Variants in TXNRD1 observed in about 807,000 individuals in gnomAD.
TXNRD1 encodes thioredoxin reductase 1, cytoplasmic.
A neutral mutation model predicts 80.3 loss-of-function variants in TXNRD1; 57 were observed. The observed-to-expected ratio is 0.71, with a 90% confidence interval of 0.57 to 0.89. The LOEUF is 0.89. TXNRD1 is among the 40% of genes least tolerant of loss of function. TXNRD1 has a pLI of 0.00. For missense variants in TXNRD1, 730 were observed against 803.0 expected, an observed-to-expected ratio of 0.91 and a Z score of 1.10; for synonymous variants, 291 against 285.2, an observed-to-expected ratio of 1.02 and a Z score of -0.20.
intron 4 of TXNRD1, among the ~76,000 whole-genome samples, chr12:104,290,714 AATATACATATATATATATATAT>A (rs1307236294): frequency 6.1e-5 from 3 of 49,154 alleles, no homozygotes; most frequent in Admixed American, 2.4e-4. Context: ...AAAAAAAAGA[AATATACATATATATATATATAT>A]ATATATATAT....
chr12:104,296,707 C>T (rs2034448806), intron 4 of TXNRD1, among the ~76,000 whole-genome samples: 2 of 152,198 alleles, frequency 1.3e-5, no homozygotes, highest in South Asian at 2.1e-4. Flanking sequence ...AGAAGAGACT[C>T]ACTTAAAGGA....
chr12:104,322,310 A>G (rs2035561091), intron 10 of TXNRD1, among the ~76,000 whole-genome samples: 1 of 150,822 alleles, frequency 6.6e-6, no homozygotes, highest in Non-Finnish European at 1.5e-5. Context: ...TGTTATGAAG[A>G]TTAAGGCACA....
In TXNRD1 at chr12:104,348,407, G is replaced by A; in HGVS notation, c.1936G>A (p.Gly646Ser). The A allele has an allele frequency of 6.2e-7, 1 of 1,614,028 alleles. No individual in the cohort carries two copies. Among genetic ancestry groups the A allele is most frequent in the Non-Finnish European group, 8.5e-7 (1 of 1,179,890 alleles). ...CTCTGGGGCAAGCATCCTCCAGGCT[G>A]GCTGCTGAGGTTAAGCCCCAGTGTG... ...KRSGASILQA[G>S]CUG is the part of the protein sequence containing the mutation. The change falls in exon 17 of 17, where the codon GGC becomes AGC. Residue 646 changes from glycine to serine, a missense_variant. Transcript: ENST00000525566.
intron 3 of TXNRD1, among the ~76,000 whole-genome samples, chr12:104,280,009 G>A (rs2033842604): frequency 7.1e-6 from 1 of 140,982 alleles, no homozygotes; most frequent in African/African-American, 2.8e-5. Flanking sequence ...GTTGCAATGA[G>A]CTGAGATCGT....
At chr12:104,229,074 C>T (rs1000416080) in intron 1 of TXNRD1, among the ~76,000 whole-genome samples, 1 of 151,784 alleles carries the variant, frequency 6.6e-6, no homozygotes, top group Non-Finnish European at 1.5e-5. Context: ...AGTAAATTTT[C>T]ACTCTTTCCC....
At chr12:104,331,730 C>T in intron 14 of TXNRD1, 89 bp downstream of exon 14, 1 of 845,422 alleles carries the variant, frequency 1.2e-6, no homozygotes, top group Admixed American at 2.6e-5. Context: ...AAAAATAGTA[C>T]AAAGCATTTT....
At chr12:104,324,838 G>A (rs970885545) in intron 10 of TXNRD1, among the ~76,000 whole-genome samples, 2 of 152,130 alleles carry the variant, frequency 1.3e-5, no homozygotes, top group African/African-American at 2.4e-5. Flanking sequence ...TGCCCACTCC[G>A]ATTTTTAAGA....
At chr12:104,345,990 G>T (rs980589426) in intron 16 of TXNRD1, 2 of 1,288,388 alleles carry the variant, frequency 1.6e-6, no homozygotes, top group Non-Finnish European at 2.0e-6. Context: ...AGTTGTGTAC[G>T]AATGAAATCT....
intron 3 of TXNRD1, among the ~76,000 whole-genome samples, chr12:104,264,832 G>A (rs73180119): frequency 0.22 from 33,033 of 152,138 alleles, 4,584 homozygotes; most frequent in Non-Finnish European, 0.31. Context: ...TCTTAGGATA[G>A]ATTACTGGAA....
In TXNRD1 at chr12:104,265,587, G is replaced by A; in HGVS notation, c.304+7508G>A. The A allele has an allele frequency of 3.1e-6, 5 of 1,608,180 alleles. No homozygotes were observed. The South Asian group carries it at 5.5e-5, about 18-fold the overall frequency. ...ACTCCCGGAGCGGCACCCACAACATGTACCGGGAATACCGGGACCTGACCA... is the reference window on the plus strand; with the variant it reads ...ACTCCCGGAGCGGCACCCACAACATATACCGGGAATACCGGGACCTGACCA... On this transcript the variant is annotated intron_variant, in intron 3 of 16. Transcript: ENST00000525566.
In TXNRD1 at chr12:104,251,605, C is replaced by A; in HGVS notation, c.170C>A (p.Ala57Asp). ...FTSTATADSR[A>D]LLQAYIDGHS... ...AGCACGGCCACTGCAGACTCCAGAG[C>A]CCTGCTTCAGGCCTATATAGATGGT... The change falls in exon 2 of 17, where the codon GCC becomes GAC. Residue 57 changes from alanine to aspartate, a missense_variant. Coordinates refer to ENST00000525566, the MANE Select transcript of TXNRD1 (RefSeq NM_001093771.3). The A allele has an allele frequency of 1.2e-6, 2 of 1,613,900 alleles. No homozygotes were observed. The highest frequency in any genetic ancestry group is 2.2e-5 in the East Asian group (1 of 44,878).
chr12:104,224,321 A>G (rs536508583), intron 1 of TXNRD1, among the ~76,000 whole-genome samples: 1 of 152,028 alleles, frequency 6.6e-6, no homozygotes, highest in Non-Finnish European at 1.5e-5. Flanking sequence ...TTTTTTTTGT[A>G]GGACATATAG....
chr12:104,241,103 G>A (rs966628036), intron 1 of TXNRD1, among the ~76,000 whole-genome samples: 1 of 147,532 alleles, frequency 6.8e-6, no homozygotes, highest in Non-Finnish European at 1.5e-5. Context: ...GCAGTGGCAT[G>A]GTCTCGGCTC....
chr12:104,276,153 A>T (rs10778316), intron 3 of TXNRD1, among the ~76,000 whole-genome samples: 1 of 151,558 alleles, frequency 6.6e-6, no homozygotes, highest in African/African-American at 2.4e-5. Flanking sequence ...GGAATGGCTT[A>T]AACGGCCCTG....
At chr12:104,248,394 C>G (rs753036373) in intron 1 of TXNRD1, among the ~76,000 whole-genome samples, 1 of 152,186 alleles carries the variant, frequency 6.6e-6, no homozygotes, top group African/African-American at 2.4e-5. Flanking sequence ...AAGCAGTTCT[C>G]CTGCCTCAAC....
intron 1 of TXNRD1, among the ~76,000 whole-genome samples, chr12:104,235,899 T>A (rs1014536546): frequency 1.3e-5 from 2 of 152,214 alleles, no homozygotes; most frequent in African/African-American, 4.8e-5. Flanking sequence ...CTTCTTGTGC[T>A]AAGTCAGTTC....
At chr12:104,291,982 C>G (rs1032563493) in intron 4 of TXNRD1, among the ~76,000 whole-genome samples, 2 of 152,160 alleles carry the variant, frequency 1.3e-5, no homozygotes, top group Admixed American at 6.5e-5. Context: ...TGCTTATAGT[C>G]CTAAAGGCCA....
intron 3 of TXNRD1, chr12:104,287,404 A>G (rs768254709): frequency 7.5e-5 from 121 of 1,613,808 alleles, no homozygotes; most frequent in Non-Finnish European, 9.7e-5. Flanking sequence ...CTTTGTAGAG[A>G]CAGTTTGCAG....
chr12:104,288,741 G>C, intron 3 of TXNRD1, 190 bp from the exon 4 acceptor site: 3 of 1,457,088 alleles, frequency 2.1e-6, no homozygotes, highest in Non-Finnish European at 2.7e-6. Context: ...GCCGGGGTCA[G>C]ACTCCAAGCT....
Sources: allele counts gnomAD v4.1 joint callset (sites outside exome capture counted in the v4.1 genomes callset), GRCh38; gene constraint gnomAD v4.1.1; transcripts MANE v1.5; gene names NCBI Gene and HGNC (gene_info 2026-07-23, HGNC 2026-07-21).